PLCH1: variants seen among roughly 807,000 people sequenced by gnomAD.
The protein encoded by PLCH1 is 1-phosphatidylinositol 4,5-bisphosphate phosphodiesterase eta-1.
In PLCH1, 60 loss-of-function variants were observed where a neutral mutation model predicts 126.7. The observed-to-expected ratio is 0.47, with a 90% CI of 0.38 to 0.59. PLCH1 has a LOEUF of 0.59. Among genes scored for constraint, PLCH1 ranks in the 20% least tolerant of loss-of-function variants. The pLI is 0.00. For synonymous variants in PLCH1, 719 were observed against 734.9 expected, an observed-to-expected ratio of 0.98 and a Z score of 0.35; for missense variants, 1,723 against 2,040.0, an observed-to-expected ratio of 0.84 and a Z score of 2.99.
At chr3:155,483,548 A>G (rs1576788980) in intron 22 of PLCH1, among the ~76,000 whole-genome samples, 1 of 152,342 alleles carries the variant, frequency 6.6e-6, no homozygotes, top group East Asian at 1.9e-4. Context: ...ACATTTTGGG[A>G]GCATATTTAA....
downstream of PLCH1, among the ~76,000 whole-genome samples, chr3:155,477,493 C>T (rs78971376): frequency 0.056 from 8,533 of 151,836 alleles, 432 homozygotes; most frequent in African/African-American, 0.14. Context: ...TGCAAATGAC[C>T]CCTCTGACAA....
At chr3:155,499,321 T>A (rs541172838) in intron 14 of PLCH1, among the ~76,000 whole-genome samples, 1 of 152,268 alleles carries the variant, frequency 6.6e-6, no homozygotes, top group East Asian at 1.9e-4. Context: ...TAAAAATCAA[T>A]AGAAAAAAGA....
chr3:155,515,424 T>C (rs941153530), intron 11 of PLCH1, among the ~76,000 whole-genome samples: 3 of 152,390 alleles, frequency 2.0e-5, no homozygotes, highest in African/African-American at 4.8e-5. Flanking sequence ...AAGAATGCTA[T>C]GGAAATTTCA....
intron 2 of PLCH1, among the ~76,000 whole-genome samples, chr3:155,677,007 TAGAC>T (rs1744150280): frequency 1.3e-5 from 2 of 152,356 alleles, no homozygotes; most frequent in Middle Eastern, 3.4e-3. Context: ...AAGAGATAGG[TAGAC>T]AGACAGACAC....
rs150319741 is a variant in PLCH1, at chr3:155,698,859, G to A, written c.79+5287C>T. 1.9e-3 allele frequency among the ~76,000 whole-genome samples: 282 copies of A among 152,214 alleles called. 5 individuals carry two copies. The highest frequency in any genetic ancestry group is 2.3e-3 in the Non-Finnish European group (159 of 68,018). On this transcript the variant is annotated intron_variant, in intron 2 of 22. Coordinates refer to ENST00000460012, the MANE Select transcript of PLCH1 (RefSeq NM_014996.4). ...CTGCTTTGGTGGCCATCAATGGGAG[G>A]TAGAGAGCCTTTTGGGTGGGGCCAA...
Position 155,564,979 on chromosome 3 carries a change from G to C in PLCH1, c.1005C>G (p.Leu335=). ...ACATATCCACTTTGGACTGAGAAAGGAGCTGGTCTCCAGTCAGGTATGTAT... is the reference window on the plus strand; with the variant it reads ...ACATATCCACTTTGGACTGAGAAAGCAGCTGGTCTCCAGTCAGGTATGTAT... ...SHNTYLTGDQ[L]LSQSKVDMYA... Residue 335 remains leucine, a synonymous_variant, in exon 8 of 23, where the codon CTC becomes CTG. Coordinates refer to ENST00000460012, the MANE Select transcript of PLCH1 (RefSeq NM_014996.4). 6.2e-7 allele frequency: 1 copy of C among 1,614,000 alleles called. No individual in the cohort carries two copies. The highest frequency in any genetic ancestry group is 8.5e-7 in the Non-Finnish European group (1 of 1,179,888).
At chr3:155,661,607 C>G (rs1364685991) in intron 2 of PLCH1, among the ~76,000 whole-genome samples, 1 of 152,070 alleles carries the variant, frequency 6.6e-6, no homozygotes, top group Non-Finnish European at 1.5e-5. Context: ...CAACCTGTAC[C>G]AGCTATAAAA....
chr3:155,456,920 G>A lies in PLCH1; in HGVS notation c.2938+28436C>T, dbSNP rs571835707. 2.3e-4 allele frequency: 35 copies of A among 152,934 alleles called. No individual in the cohort carries two copies. In the East Asian group the frequency reaches 5.2e-3, roughly 23 times the overall value. The allele number at this position is 152,934 out of a possible 1,614,324, so 9.5% of individuals were successfully genotyped here. On this transcript the variant is annotated intron_variant, in intron 21 of 21. Transcript: ENST00000494598. ...GGTGGCCCAGTGCAAAATAAAAAAC[G>A]AAAATCTCACAGGTGGAATTCAACA...
At chr3:155,564,856 A>T in intron 8 of PLCH1, 59 bp downstream of exon 8, 1 of 1,067,628 alleles carries the variant, frequency 9.4e-7, no homozygotes, top group East Asian at 2.4e-5. Flanking sequence ...TAGACTCGAC[A>T]GACTGATTAA....
In PLCH1 at chr3:155,582,075, CTTTTTTTTT is replaced by C. The variant is rs869254665; in HGVS notation, c.771+1388_771+1396del. Among the ~76,000 whole-genome samples the C allele has an allele frequency of 5.9e-4, 38 of 64,130 alleles. 1 individual carries two copies. The South Asian group carries it at 8.1e-3, about 14-fold the overall frequency. 42.1% of individuals were successfully genotyped at this position (64,130 alleles called of 152,430 possible). ...TTTTTTTTTTCTTTTTCTTTTCTTTCTTTTTTTTTTTTTTTTTTTTTTTTGAGGTGGAGT... is the reference window on the plus strand; with the variant it reads ...TTTTTTTTTTCTTTTTCTTTTCTTTCTTTTTTTTTTTTTTTGAGGTGGAGT... On this transcript the variant is annotated intron_variant, in intron 6 of 22. Transcript: ENST00000460012.
chr3:155,732,808 G>A (rs369380284), intron 1 of PLCH1, among the ~76,000 whole-genome samples: 1 of 149,514 alleles, frequency 6.7e-6, no homozygotes, highest in East Asian at 1.9e-4. Flanking sequence ...AATTCAGGAG[G>A]TGGATGTTGC....
intron 7 of PLCH1, among the ~76,000 whole-genome samples, chr3:155,566,840 T>C (rs1279666524): frequency 2.0e-5 from 3 of 152,156 alleles, no homozygotes; most frequent in Non-Finnish European, 4.4e-5. Context: ...TTAGGGTAAA[T>C]TATTTCAAGT....
chr3:155,479,643 T>TGCAATA (rs1713719643), downstream of PLCH1, among the ~76,000 whole-genome samples: 1 of 152,156 alleles, frequency 6.6e-6, no homozygotes, highest in Non-Finnish European at 1.5e-5. Flanking sequence ...TTTTTAAACT[T>TGCAATA]GCAATAGCAA....
At chr3:155,584,192 G>A (rs575181045) in intron 5 of PLCH1, among the ~76,000 whole-genome samples, 21 of 152,060 alleles carry the variant, frequency 1.4e-4, no homozygotes, top group African/African-American at 2.7e-4. Context: ...ACCAAAGCCC[G>A]ATTTCTAAAG....
chr3:155,688,841 A>G (rs1745154120), intron 2 of PLCH1, among the ~76,000 whole-genome samples: 1 of 152,228 alleles, frequency 6.6e-6, no homozygotes, highest in Admixed American at 6.5e-5. Context: ...AGCAGGAAGA[A>G]CTTTGTATTG....
At chr3:155,549,117 G>C (rs1000932812) in intron 10 of PLCH1, among the ~76,000 whole-genome samples, 4 of 152,176 alleles carry the variant, frequency 2.6e-5, no homozygotes, top group Non-Finnish European at 4.4e-5. Flanking sequence ...CTGGAAATAA[G>C]TAAAACCACA....
chr3:155,681,081 G>A lies in PLCH1; in HGVS notation c.79+23065C>T, dbSNP rs142113291. On this transcript the variant is annotated intron_variant, in intron 2 of 22. Coordinates refer to ENST00000460012, the MANE Select transcript of PLCH1 (RefSeq NM_014996.4). ...AAAACATATGAAAAAAATGTTATCA[G>A]AGGTTATCCACAGCTATCTCTAGGT... 4.7e-3 allele frequency among the ~76,000 whole-genome samples: 714 copies of A among 152,098 alleles called. 4 individuals are homozygous for A. Among genetic ancestry groups the A allele is most frequent in the African/African-American group, 0.016 (682 of 41,454 alleles).
At chr3:155,562,631 C>A (rs1342685768) in intron 8 of PLCH1, among the ~76,000 whole-genome samples, 1 of 152,166 alleles carries the variant, frequency 6.6e-6, no homozygotes, top group Non-Finnish European at 1.5e-5. Context: ...TCAGCTTGGG[C>A]TTCCCTGACT....
In PLCH1 at chr3:155,481,391, G is replaced by T. The variant is rs76016099; in HGVS notation, c.4635C>A (p.Asp1545Glu). 61 of 1,614,198 alleles carry T rather than the reference G, an allele frequency of 3.8e-5. No individual in the cohort carries two copies. Among genetic ancestry groups the T allele is most frequent in the Middle Eastern group, 1.6e-4 (1 of 6,062 alleles). The change falls in exon 23 of 23, where the codon GAC (aspartate) becomes GAA (glutamate). Residue 1545 changes from aspartate (D) to glutamate (E), a missense_variant. This residue lies in a region of PLCH1 where 947 missense variants were observed against 977.1 expected (regional missense o/e 0.97). Coordinates refer to ENST00000460012, the MANE Select transcript of PLCH1 (RefSeq NM_014996.4). This position sits in a 1 kb window ranked among gnomAD's most constrained non-coding sequence, Gnocchi z 4.2. ...ATAGCACTTGGCAGTTGTCTTCCTG[G>T]TCAAAGGACACAAGCTTCCGAAGCT... Reference protein sequence around the residue: ...TEQLRKLVSFDQEDNCQVLYS... With the variant: ...TEQLRKLVSFEQEDNCQVLYS...
Sources: allele counts gnomAD v4.1 joint callset (sites outside exome capture counted in the v4.1 genomes callset), GRCh38; gene constraint gnomAD v4.1.1; regional missense constraint gnomAD v4.1.1; non-coding constraint Gnocchi (gnomAD v3.1); transcripts MANE v1.5; gene names NCBI Gene and HGNC (gene_info 2026-07-23, HGNC 2026-07-21).